NDC80: variants seen among roughly 807,000 people sequenced by gnomAD.
NDC80 encodes the protein kinetochore protein NDC80 homolog.
A neutral mutation model predicts 89.3 loss-of-function variants in NDC80; 69 were observed. That is an observed-to-expected ratio of 0.77 (90% CI 0.64 to 0.94). The LOEUF (loss-of-function observed/expected upper bound fraction) is 0.94, where lower values mean the gene tolerates loss of function less well. Ranked by LOEUF, NDC80 falls within the 40% of genes least tolerant of loss-of-function variation. NDC80 has a pLI of 0.00. For missense variants in NDC80, 593 were observed against 739.6 expected (o/e 0.80, Z 2.30); for synonymous variants, 243 against 255.6 (o/e 0.95, Z 0.47).
intron 13 of NDC80, 138 bp from the exon 14 acceptor site, chr18:2,606,277 A>G (rs552419820): frequency 2.1e-6 from 1 of 465,478 alleles, no homozygotes; most frequent in East Asian, 3.6e-5. Context: ...TTTTGGACAA[A>G]TGATAAGTGA....
At position 2,606,414 on chromosome 18, in the gene NDC80, G is replaced by C; in HGVS notation, c.1465-1G>C. On this transcript the variant is annotated splice_acceptor_variant, in intron 13 of 16. Coordinates refer to ENST00000261597, the MANE Select transcript of NDC80 (RefSeq NM_006101.3). LOFTEE classifies it high-confidence loss of function. ...TCTCAACCAAAGTTTTATTTCCCCAGTTGAATGCAATGATAACAGAAAGCA... is the reference window on the plus strand; with the variant it reads ...TCTCAACCAAAGTTTTATTTCCCCACTTGAATGCAATGATAACAGAAAGCA... The C allele has an allele frequency of 6.3e-7, 1 of 1,592,694 alleles. No individual in the cohort carries two copies. Among genetic ancestry groups the C allele is most frequent in the South Asian group, 1.1e-5 (1 of 87,672 alleles).
chr18:2,572,595 C>T (rs1358810657), intron 1 of NDC80, among the ~76,000 whole-genome samples: 1 of 152,162 alleles, frequency 6.6e-6, no homozygotes, highest in African/African-American at 2.4e-5. Context: ...TTTTTGTCTT[C>T]CTATTGAAAT....
chr18:2,599,869 T>A (rs2072675728), intron 12 of NDC80, among the ~76,000 whole-genome samples: 2 of 152,196 alleles, frequency 1.3e-5, no homozygotes, highest in South Asian at 4.1e-4. Flanking sequence ...TGAGAATTAT[T>A]CATTTAACAA....
chr18:2,598,967 A>T, intron 11 of NDC80, 52 bp from the exon 12 acceptor site: 1 of 1,431,394 alleles, frequency 7.0e-7, no homozygotes, highest in Non-Finnish European at 9.2e-7. Flanking sequence ...AATTGAAAAA[A>T]ACATATGGAA....
intron 13 of NDC80, among the ~76,000 whole-genome samples, chr18:2,605,326 GTGTA>G (rs1302193482): frequency 0.014 from 1,605 of 112,800 alleles, 16 homozygotes; most frequent in African/African-American, 0.031. Context: ...GTGTGTGTGT[GTGTA>G]TGTACACAAT....
chr18:2,579,473 G>T (rs1187046123), intron 6 of NDC80, among the ~76,000 whole-genome samples: 1 of 152,094 alleles, frequency 6.6e-6, no homozygotes, highest in Admixed American at 6.5e-5. Flanking sequence ...TGTTGCCCAG[G>T]CTGGAGTGCG....
At chr18:2,572,826 AC>A (rs1265276530) in intron 1 of NDC80, among the ~76,000 whole-genome samples, 150 bp from the exon 2 acceptor site, 1 of 152,270 alleles carries the variant, frequency 6.6e-6, no homozygotes, top group African/African-American at 2.4e-5. Context: ...ACTTCAGTGT[AC>A]ATGAACAAAA....
At chr18:2,574,368 A>C (rs2072534881) in intron 2 of NDC80, among the ~76,000 whole-genome samples, 1 of 152,172 alleles carries the variant, frequency 6.6e-6, no homozygotes, top group Admixed American at 6.5e-5. Context: ...GAGAATATTG[A>C]CTGTTCCCAA....
intron 6 of NDC80, among the ~76,000 whole-genome samples, chr18:2,581,479 G>A (rs1220591658): frequency 6.6e-6 from 1 of 152,158 alleles, no homozygotes; most frequent in African/African-American, 2.4e-5. Context: ...TGGCCAACAT[G>A]ACAAAACCCC....
chr18:2,589,949 G>T, intron 9 of NDC80, 69 bp from the exon 10 acceptor site: 15 of 1,026,992 alleles, frequency 1.5e-5, no homozygotes, highest in East Asian at 3.5e-5. Flanking sequence ...AAATAATATT[G>T]CTTTACTTTA....
chr18:2,588,294 G>T (rs980920200), intron 8 of NDC80, among the ~76,000 whole-genome samples: 1 of 152,024 alleles, frequency 6.6e-6, no homozygotes, highest in Non-Finnish European at 1.5e-5. Flanking sequence ...TCCCTACGTT[G>T]TCCTTGCTTA....
intron 14 of NDC80, among the ~76,000 whole-genome samples, chr18:2,606,939 C>T (rs112533075): frequency 1.3e-3 from 196 of 152,096 alleles, no homozygotes; most frequent in Middle Eastern, 6.8e-3. Context: ...AGACTGTTTA[C>T]GTGCAATCTA....
At chr18:2,573,294 T>C (rs574296021) in intron 2 of NDC80, among the ~76,000 whole-genome samples, 117 of 152,368 alleles carry the variant, frequency 7.7e-4, no homozygotes, top group African/African-American at 2.6e-3. Context: ...TTCACAAATT[T>C]CCAAAGCCAA....
intron 6 of NDC80, among the ~76,000 whole-genome samples, chr18:2,584,109 G>A (rs1218050621): frequency 6.6e-6 from 1 of 151,886 alleles, no homozygotes; most frequent in East Asian, 1.9e-4. Flanking sequence ...CCAACATGGT[G>A]AAACCCCGTC....
At chr18:2,581,907 A>G (rs1390428702) in intron 6 of NDC80, among the ~76,000 whole-genome samples, 1 of 152,164 alleles carries the variant, frequency 6.6e-6, no homozygotes, top group African/African-American at 2.4e-5. Flanking sequence ...TATTATTGAC[A>G]TAACATTGAA....
chr18:2,578,340 A>C (rs979744593), intron 5 of NDC80, among the ~76,000 whole-genome samples, 199 bp downstream of exon 5: 1 of 152,232 alleles, frequency 6.6e-6, no homozygotes, highest in Non-Finnish European at 1.5e-5. Flanking sequence ...TGGTAGAAGC[A>C]AGAAGGATTA....
At chr18:2,582,734 A>G (rs1226789280) in intron 6 of NDC80, 1 of 152,198 alleles carries the variant, frequency 6.6e-6, no homozygotes, top group Non-Finnish European at 1.5e-5. Context: ...ATCTTGACCT[A>G]TTGATCTAAT....
chr18:2,595,853 T>A (rs2072652363), intron 11 of NDC80, among the ~76,000 whole-genome samples: 1 of 152,116 alleles, frequency 6.6e-6, no homozygotes, highest in Non-Finnish European at 1.5e-5. Context: ...AACAAAAAAG[T>A]CTCTAAAACT....
chr18:2,589,100 G>T (rs1043405977), intron 8 of NDC80, 104 bp from the exon 9 acceptor site: 2 of 743,118 alleles, frequency 2.7e-6, no homozygotes, highest in East Asian at 2.5e-5. Flanking sequence ...AGTGTTTTGG[G>T]CAGAGACCAG....
Sources: allele counts gnomAD v4.1 joint callset (sites outside exome capture counted in the v4.1 genomes callset), GRCh38; gene constraint gnomAD v4.1.1; transcripts MANE v1.5; gene names NCBI Gene and HGNC (gene_info 2026-07-23, HGNC 2026-07-21).